TMEM273: variants seen among roughly 807,000 people sequenced by gnomAD.
TMEM273 encodes the protein transmembrane protein 273.
TMEM273 carries 19 observed loss-of-function variants against 17.9 expected under a neutral mutation model. The ratio of observed to expected loss-of-function variants is 1.06; its 90% CI spans 0.74 to 1.55. The LOEUF is 1.55. Among genes scored for constraint, TMEM273 ranks in the 40% most tolerant of loss-of-function variants. TMEM273 has a pLI of 0.00. For synonymous variants in TMEM273, 66 were observed against 62.0 expected (o/e 1.07, Z -0.31); for missense variants, 194 against 155.6 (o/e 1.25, Z -1.31).
intron 3 of TMEM273, 113 bp downstream of exon 3, chr10:49,166,756 G>T: frequency 1.3e-6 from 2 of 1,495,564 alleles, no homozygotes; most frequent in Non-Finnish European, 9.2e-7. Flanking sequence ...TTCCTTTACA[G>T]CCTGTTGGGC....
At chr10:49,158,185 T>TC (rs1202204350) in intron 6 of TMEM273, among the ~76,000 whole-genome samples, 7 of 152,286 alleles carry the variant, frequency 4.6e-5, no homozygotes, top group African/African-American at 1.4e-4. Flanking sequence ...GATAATTTTT[T>TC]ATGAAAAAAT....
chr10:49,159,723 C>CAGAGAGAGTG (rs1845722839), intron 6 of TMEM273, among the ~76,000 whole-genome samples: 1 of 72,096 alleles, frequency 1.4e-5, no homozygotes, highest in African/African-American at 4.3e-5. Context: ...GAGAGAGAGA[C>CAGAGAGAGTG]AGAGAGAGTG....
At chr10:49,186,079 A>AAGAGGG (rs1847678942) in intron 1 of TMEM273, among the ~76,000 whole-genome samples, 1 of 141,614 alleles carries the variant, frequency 7.1e-6, no homozygotes, top group Admixed American at 6.9e-5. Context: ...GAAGAAGAAG[A>AAGAGGG]AGAAGAAGAA....
intron 5 of TMEM273, among the ~76,000 whole-genome samples, chr10:49,162,358 C>A (rs1362749598): frequency 6.6e-6 from 1 of 152,182 alleles, no homozygotes; most frequent in Non-Finnish European, 1.5e-5. Context: ...TACATGCACA[C>A]ACACACATAT....
chr10:49,161,937 C>T (rs574434285), intron 5 of TMEM273, among the ~76,000 whole-genome samples: 2 of 152,154 alleles, frequency 1.3e-5, no homozygotes, highest in Non-Finnish European at 2.9e-5. Context: ...CCCAGCCTCC[C>T]TCTCTCCTGG....
At chr10:49,163,173 C>G (rs1247461412) in intron 5 of TMEM273, among the ~76,000 whole-genome samples, 3 of 152,176 alleles carry the variant, frequency 2.0e-5, no homozygotes, top group Non-Finnish European at 4.4e-5. Context: ...CAGCATGGAA[C>G]TCTACTCTCC....
chr10:49,181,799 T>G lies in TMEM273; in HGVS notation c.43+6495A>C, dbSNP rs1847356212. On this transcript the variant is annotated intron_variant, in intron 1 of 6. Transcript: ENST00000374153. ...GAGTTTGGTGCAAACTTCTGAGACATGCTATCAAAAGCACAGTCCACGAAA... is the reference window on the plus strand; with the variant it reads ...GAGTTTGGTGCAAACTTCTGAGACAGGCTATCAAAAGCACAGTCCACGAAA... Among the ~76,000 whole-genome samples the G allele has an allele frequency of 2.6e-5, 4 of 151,636 alleles. No individual in the cohort carries two copies. The South Asian group carries it at 8.4e-4, about 32-fold the overall frequency.
At chr10:49,168,849 A>G (rs73304793) in intron 1 of TMEM273, among the ~76,000 whole-genome samples, 1 of 151,788 alleles carries the variant, frequency 6.6e-6, no homozygotes. Context: ...AGTGATCCAG[A>G]GGTGAGGTCC....
intron 5 of TMEM273, among the ~76,000 whole-genome samples, chr10:49,162,720 G>A (rs974862466): frequency 1.3e-5 from 2 of 152,158 alleles, no homozygotes; most frequent in African/African-American, 2.4e-5. Flanking sequence ...GGGCCCCTGA[G>A]GCCACATGGT....
At chr10:49,165,982 A>G (rs1846155428) in intron 3 of TMEM273, among the ~76,000 whole-genome samples, 186 bp from the exon 4 acceptor site, 1 of 152,152 alleles carries the variant, frequency 6.6e-6, no homozygotes, top group South Asian at 2.1e-4. Flanking sequence ...ACACAAGGAT[A>G]AGCAAACTCA....
chr10:49,167,873 G>T, intron 2 of TMEM273, 36 bp downstream of exon 2: 1 of 1,612,492 alleles, frequency 6.2e-7, no homozygotes, highest in South Asian at 1.1e-5. Context: ...TCCTGCCCCT[G>T]ACCCTGTGCA....
intron 1 of TMEM273, among the ~76,000 whole-genome samples, chr10:49,187,095 T>C (rs17009530): frequency 0.018 from 2,804 of 152,312 alleles, 63 homozygotes; most frequent in African/African-American, 0.05. Context: ...CTAGTTTGTT[T>C]ATCTAGGTAA....
intron 1 of TMEM273, among the ~76,000 whole-genome samples, chr10:49,171,494 C>T (rs531663082): frequency 3.2e-4 from 49 of 152,338 alleles, no homozygotes; most frequent in African/African-American, 1.1e-3. Flanking sequence ...CAAGGGCACT[C>T]GATGGGCTCT....
chr10:49,185,909 T>G (rs1231366882), intron 1 of TMEM273, among the ~76,000 whole-genome samples: 1 of 150,404 alleles, frequency 6.6e-6, no homozygotes, highest in South Asian at 2.1e-4. Flanking sequence ...ACCCAGGAGG[T>G]GGAGGTTGCG....
intron 1 of TMEM273, among the ~76,000 whole-genome samples, chr10:49,176,959 C>T (rs992820511): frequency 1.3e-5 from 2 of 152,218 alleles, no homozygotes; most frequent in African/African-American, 2.4e-5. Context: ...ATGGTCCAGC[C>T]GAAGTCCCCC....
At chr10:49,167,997 C>G (rs181348811) in intron 1 of TMEM273, 35 bp from the exon 2 acceptor site, 1 of 1,613,348 alleles carries the variant, frequency 6.2e-7, no homozygotes, top group Admixed American at 1.7e-5. Flanking sequence ...CTGGTTAGAA[C>G]AGAGCTGGCT....
Position 49,155,708 on chromosome 10 carries a change from T to C in TMEM273, c.*184A>G. 1.3e-6 allele frequency: 1 copy of C among 768,598 alleles called. No individual in the cohort carries two copies. The highest frequency in any genetic ancestry group is 1.8e-5 in the South Asian group (1 of 55,518). The allele number at this position is 768,598 out of a possible 1,614,324, so 47.6% of individuals were successfully genotyped here. On this transcript the variant is annotated 3_prime_UTR_variant, in exon 7 of 7. Transcript: ENST00000374153. ...TCCGTTTCTTCCAGAAGAGGCATGA[T>C]ATTTTCCTTCAGGACAGAGGCACTG...
intron 1 of TMEM273, among the ~76,000 whole-genome samples, chr10:49,169,128 C>T (rs368665863): frequency 6.6e-6 from 1 of 152,184 alleles, no homozygotes; most frequent in Non-Finnish European, 1.5e-5. Context: ...AGATACAACA[C>T]CACCAAAACC....
In TMEM273 at chr10:49,187,353, G is replaced by A. The variant is rs1847789387; in HGVS notation, c.43+941C>T. ...CCCCTGCTTAGTGCAGACTTTAGATGGAAACCTGCCCACAGCACTAACTTT... is the reference window on the plus strand; with the variant it reads ...CCCCTGCTTAGTGCAGACTTTAGATAGAAACCTGCCCACAGCACTAACTTT... On this transcript the variant is annotated intron_variant, in intron 1 of 6. Transcript: ENST00000374153. 2.0e-5 allele frequency among the ~76,000 whole-genome samples: 3 copies of A among 152,212 alleles called. No individual in the cohort carries two copies. The South Asian group carries it at 6.2e-4, about 32-fold the overall frequency.
Sources: gnomAD v4.1 joint callset for allele counts (sites outside exome capture counted in the v4.1 genomes callset) on GRCh38, gnomAD v4.1.1 for gene constraint, MANE v1.5 for transcripts, NCBI Gene and HGNC (gene_info 2026-07-23, HGNC 2026-07-21) for gene names.